Variants in AKAP13 observed in about 807,000 individuals in gnomAD.
AKAP13 encodes the protein A-kinase anchoring protein 13, also known as A-kinase anchor protein 13.
Under a neutral mutation model 264.5 loss-of-function variants are expected in AKAP13, and 80 were observed. That is an observed-to-expected ratio of 0.30 (90% confidence interval 0.25 to 0.36). AKAP13 has a LOEUF of 0.36. AKAP13 is among the 10% of genes least tolerant of loss of function. The pLI is 1.00. For missense variants in AKAP13, 3,712 were observed against 3,435.2 expected, an observed-to-expected ratio of 1.08 and a Z score of -2.01; for synonymous variants, 1,380 against 1,250.2, an observed-to-expected ratio of 1.10 and a Z score of -2.19.
At chr15:85,483,450 C>T (rs1416903362) in intron 1 of AKAP13, among the ~76,000 whole-genome samples, 2 of 151,842 alleles carry the variant, frequency 1.3e-5, no homozygotes, top group Non-Finnish European at 2.9e-5. Context: ...CAAGGTGAAA[C>T]CCCGTCTCTA....
intron 8 of AKAP13, among the ~76,000 whole-genome samples, chr15:85,635,721 T>A (rs1173227777): frequency 6.6e-6 from 1 of 152,210 alleles, no homozygotes; most frequent in Non-Finnish European, 1.5e-5. Context: ...TATTCTGAGT[T>A]CATTTTTATA....
At chr15:85,650,788 A>T (rs868507312) in intron 10 of AKAP13, among the ~76,000 whole-genome samples, 2 of 124,994 alleles carry the variant, frequency 1.6e-5, no homozygotes, top group African/African-American at 5.8e-5. Flanking sequence ...AAAAAAAAAA[A>T]AACAACAAAA....
At chr15:85,518,882 T>TA (rs898931647) in intron 2 of AKAP13, among the ~76,000 whole-genome samples, 3 of 152,136 alleles carry the variant, frequency 2.0e-5, no homozygotes, top group Non-Finnish European at 4.4e-5. Flanking sequence ...AACTTACTTG[T>TA]AAAAAGAGGT....
At chr15:85,664,976 G>A (rs1170179990) in intron 13 of AKAP13, among the ~76,000 whole-genome samples, 1 of 152,092 alleles carries the variant, frequency 6.6e-6, no homozygotes, top group South Asian at 2.1e-4. Context: ...TGAGGCAGGA[G>A]GATCAATTGA....
At chr15:85,624,004 G>T (rs781473860) in intron 8 of AKAP13, among the ~76,000 whole-genome samples, 19 of 152,352 alleles carry the variant, frequency 1.2e-4, no homozygotes, top group Non-Finnish European at 2.1e-4. Context: ...ACTGAGTTCA[G>T]TAGCCAACTT....
chr15:85,701,251 G>A (rs866793801), intron 17 of AKAP13: 3 of 152,086 alleles, frequency 2.0e-5, no homozygotes, highest in Non-Finnish European at 4.4e-5. Flanking sequence ...GAAGTCCAGT[G>A]TGTTATCACT....
At chr15:85,474,449 G>T (rs1293616144) in intron 1 of AKAP13, among the ~76,000 whole-genome samples, 2 of 152,170 alleles carry the variant, frequency 1.3e-5, no homozygotes, top group Non-Finnish European at 2.9e-5. Context: ...AAATGCATTA[G>T]TATTTTCAGA....
At chr15:85,407,146 A>G (rs957821124) in intron 1 of AKAP13, among the ~76,000 whole-genome samples, 1 of 151,720 alleles carries the variant, frequency 6.6e-6, no homozygotes, top group Non-Finnish European at 1.5e-5. Context: ...TTGTTGTGTA[A>G]CAATGTTAGA....
At chr15:85,661,675 C>T (rs550396514) in intron 12 of AKAP13, among the ~76,000 whole-genome samples, 128 of 149,702 alleles carry the variant, frequency 8.6e-4, no homozygotes, top group African/African-American at 2.9e-3. Context: ...GAGCCAGGAT[C>T]GCACCATTAC....
At chr15:85,521,141 A>G in intron 2 of AKAP13, among the ~76,000 whole-genome samples, 1 of 152,160 alleles carries the variant, frequency 6.6e-6, no homozygotes, top group Non-Finnish European at 1.5e-5. Flanking sequence ...CATCAAGTAA[A>G]GTTTTCCTTC....
rs1289580073 is a variant in AKAP13, at chr15:85,723,245, A to G, written c.6670A>G (p.Lys2224Glu). 1 of 1,614,188 alleles carries G rather than the reference A, an allele frequency of 6.2e-7. No individual in the cohort carries two copies. The highest frequency in any genetic ancestry group is 2.2e-5 in the East Asian group (1 of 44,890). ...GATGAAGAGTGGTCAGATGTTTGCC[A>G]AGGAAGATTTGAAACGGAAGAAGCT... ...MRMKSGQMFA[K>E]EDLKRKKLVR... is the part of the protein sequence containing the mutation. Residue 2224 changes from lysine to glutamate, a missense_variant, in exon 26 of 37, where the codon AAG becomes GAG. By Grantham distance (56) the Lys-to-Glu change is moderately conservative (BLOSUM62 1). This residue lies in a region of AKAP13 where 342 missense variants were observed against 484.3 expected (regional missense o/e 0.71). Transcript: ENST00000394518.
In AKAP13 at chr15:85,673,666, C is replaced by CTTTTTTTTTTTTTTTT. The variant is rs386383664; in HGVS notation, c.5101+3847_5101+3862dup. Reference sequence around the variant, plus strand: ...TTACAGATGATCCCTTTCTTTCTTTCTTTTTTTTTTTTTTTTTTTTTTTTT... The same window carrying CTTTTTTTTTTTTTTTT: ...TTACAGATGATCCCTTTCTTTCTTTCTTTTTTTTTTTTTTTTTTTTTTTTTTTTTTTTTTTTTTTTT... On this transcript the variant is annotated intron_variant, in intron 14 of 36. Transcript: ENST00000394518. 5.2e-4 allele frequency among the ~76,000 whole-genome samples: 40 copies of CTTTTTTTTTTTTTTTT among 77,558 alleles called. 5 individuals carry two copies. Among genetic ancestry groups the CTTTTTTTTTTTTTTTT allele is most frequent in the African/African-American group, 8.4e-4 (15 of 17,844 alleles). The allele number at this position is 77,558 out of a possible 152,430, so 50.9% of individuals were successfully genotyped here. A position where few individuals can be genotyped will look rare whatever the true frequency, so the allele number is the denominator to read the frequency against.
chr15:85,508,770 C>T (rs1003466212), intron 2 of AKAP13, among the ~76,000 whole-genome samples: 1 of 152,158 alleles, frequency 6.6e-6, no homozygotes, highest in Admixed American at 6.5e-5. Flanking sequence ...TTCATTTGCT[C>T]CTCCAGACTG....
intron 1 of AKAP13, among the ~76,000 whole-genome samples, chr15:85,483,551 G>C (rs1169938773): frequency 1.4e-5 from 2 of 147,928 alleles, no homozygotes; most frequent in Non-Finnish European, 3.0e-5. Flanking sequence ...GCGTGAACCC[G>C]GGAAGCGGAG....
At chr15:85,675,093 A>C (rs1467266233) in intron 14 of AKAP13, among the ~76,000 whole-genome samples, 1 of 152,172 alleles carries the variant, frequency 6.6e-6, no homozygotes, top group Non-Finnish European at 1.5e-5. Flanking sequence ...TATATGTTGG[A>C]AATTTCCATA....
At chr15:85,528,725 C>T (rs923693777) in intron 3 of AKAP13, among the ~76,000 whole-genome samples, 1 of 152,014 alleles carries the variant, frequency 6.6e-6, no homozygotes, top group Non-Finnish European at 1.5e-5. Flanking sequence ...CAGACTTCTC[C>T]CACCCCATAA....
At chr15:85,428,108 G>A (rs1299983391) in intron 1 of AKAP13, among the ~76,000 whole-genome samples, 1 of 152,058 alleles carries the variant, frequency 6.6e-6, no homozygotes, top group Non-Finnish European at 1.5e-5. Flanking sequence ...TTTTTTGCCT[G>A]TTTTTCTTAA....
intron 8 of AKAP13, among the ~76,000 whole-genome samples, chr15:85,597,512 C>A (rs1316221837): frequency 2.0e-5 from 3 of 152,196 alleles, no homozygotes; most frequent in Non-Finnish European, 4.4e-5. Context: ...AATCCTTACT[C>A]CCCATACATT....
At position 85,580,888 on chromosome 15, in the gene AKAP13, T is replaced by C. The variant is rs1244927326; in HGVS notation, c.2820T>C (p.Asn940=). The C allele has an allele frequency of 1.9e-6, 3 of 1,614,026 alleles. No homozygotes were observed. Among genetic ancestry groups the C allele is most frequent in the East Asian group, 4.5e-5 (2 of 44,894 alleles). The stretch of plus-strand genomic sequence containing the variant: ...TGACCTGTTCCTCTATTAAGGAAAA[T>C]GCTCTCTCTTCAGGAACTTTGCAGG... The part of the protein sequence containing the change: ...KAVTCSSIKE[N]ALSSGTLQEE... The change falls in exon 7 of 37, where the codon AAT becomes AAC. Residue 940 remains asparagine (N), a synonymous_variant. Coordinates refer to ENST00000394518, the MANE Select transcript of AKAP13 (RefSeq NM_007200.5).
Sources: allele counts gnomAD v4.1 joint callset (sites outside exome capture counted in the v4.1 genomes callset), GRCh38; gene constraint gnomAD v4.1.1; regional missense constraint gnomAD v4.1.1; transcripts MANE v1.5; gene names NCBI Gene and HGNC (gene_info 2026-07-23, HGNC 2026-07-21).